The following SSX7 variants were observed in gnomAD, a reference collection of about 807,000 sequenced individuals.
SSX7 encodes protein SSX7.
A neutral mutation model predicts 14.7 loss-of-function variants in SSX7; 15 were observed. The observed-to-expected ratio is 1.02, with a 90% CI of 0.68 to 1.58. The LOEUF (loss-of-function observed/expected upper bound fraction) is 1.58. SSX7 is among the 40% of genes most tolerant of loss of function. The probability of loss-of-function intolerance (pLI) is 0.00; values close to 1 mark genes in which losing one functional copy is unlikely to be tolerated. For synonymous variants in SSX7, 46 were observed against 50.6 expected (o/e 0.91, Z 0.38); for missense variants, 178 against 146.8 (o/e 1.21, Z -1.10).
chrX:52,649,760 C>A (rs1448266460), intron 5 of SSX7, among the ~76,000 whole-genome samples: 1 of 112,424 alleles, frequency 8.9e-6, no homozygotes, highest in Admixed American at 9.4e-5. Flanking sequence ...AATGGAAGCA[C>A]CAGCAGGCCC....
Position 52,652,298 on chromosome X carries a change from G to A in SSX7, c.234C>T (p.Asp78=), listed in dbSNP as rs147448937. 8.3e-7 allele frequency: 1 copy of A among 1,206,856 alleles called. No individual in the cohort carries two copies. Among genetic ancestry groups the A allele is most frequent in the African/African-American group, 1.8e-5 (1 of 56,556 alleles). Residue 78 remains aspartate, a synonymous_variant, in exon 4 of 8, where the codon GAC becomes GAT. Coordinates refer to ENST00000298181, the MANE Select transcript of SSX7 (RefSeq NM_173358.2). ...PPFMHNTGAT[D]LQGNDFDNDR... is the part of the protein sequence containing the mutation. ...CATTATCAAAATCATTCCCCTGGAG[G>A]TCTGTGGCCCCTGTATTATGCATGA... is the stretch of plus-strand genomic sequence containing the variant.
chrX:52,653,184 C>G lies in SSX7; in HGVS notation c.70-200G>C, dbSNP rs782377456. ...TGCTGACTGACTCTCTTCCCACTTT[C>G]CAGAATGGACTGAGATTCACCAAAT... On this transcript the variant is annotated intron_variant, in intron 2 of 7. Transcript: ENST00000298181. The G allele has an allele frequency of 8.0e-6, 6 of 752,099 alleles. No individual in the cohort carries two copies. In the South Asian group the frequency reaches 2.1e-4, roughly 26 times the overall value. The allele number at this position is 752,099 out of a possible 1,213,427, so 62.0% of individuals were successfully genotyped here.
chrX:52,654,364 GTTTT>G (rs1352091546), intron 1 of SSX7, among the ~76,000 whole-genome samples: 4 of 60,944 alleles, frequency 6.6e-5, no homozygotes, highest in Admixed American at 2.7e-4. Context: ...ATTTGAGTGA[GTTTT>G]TTTTTTTTTT....
At chrX:52,649,393 T>C (rs782122377) in intron 5 of SSX7, among the ~76,000 whole-genome samples, 3 of 112,053 alleles carry the variant, frequency 2.7e-5, no homozygotes, top group Non-Finnish European at 5.6e-5. Context: ...TAAAATAGTC[T>C]ACGGGAAAGT....
At chrX:52,649,012 C>T (rs1167009607) in intron 5 of SSX7, among the ~76,000 whole-genome samples, 1 of 110,848 alleles carries the variant, frequency 9.0e-6, no homozygotes, top group Non-Finnish European at 1.9e-5. Context: ...TGTCACTGAC[C>T]AACAATCTTA....
intron 4 of SSX7, 83 bp from the exon 5 acceptor site, chrX:52,650,485 C>A (rs1302573578): frequency 4.8e-6 from 5 of 1,031,405 alleles, no homozygotes; most frequent in Non-Finnish European, 5.4e-6. Flanking sequence ...GGGTATTCTG[C>A]AGCAGAGTGT....
rs782261388 is a variant in SSX7 at position 52,652,917 on chromosome X, A to T, written c.137T>A (p.Ile46Asn). The T allele has an allele frequency of 2.5e-6, 3 of 1,202,452 alleles. No homozygotes were observed. The highest frequency in any genetic ancestry group is 3.4e-6 in the Non-Finnish European group (3 of 890,122). The change falls in exon 3 of 8, where the codon ATC becomes AAC. Residue 46 changes from isoleucine to asparagine, a missense_variant. Coordinates refer to ENST00000298181, the MANE Select transcript of SSX7 (RefSeq NM_173358.2). ...CTTTCTCTTCATATACACATAGCTG[A>T]TTTTCTCCAAGGATTTCATCTTTTC... ...EWEKMKSLEK[I>N]SYVYMKRKYE...
intron 7 of SSX7, 54 bp downstream of exon 7, chrX:52,645,385 T>C: frequency 8.3e-7 from 1 of 1,208,006 alleles, no homozygotes; most frequent in Non-Finnish European, 1.1e-6. Flanking sequence ...ACCAGTATCA[T>C]AACAGAATAC....
At chrX:52,644,840 A>C in intron 7 of SSX7, among the ~76,000 whole-genome samples, 170 bp from the exon 8 acceptor site, 1 of 111,461 alleles carries the variant, frequency 9.0e-6, no homozygotes, top group Admixed American at 9.5e-5. Flanking sequence ...CTCATGCCAC[A>C]GTGACTTCTT....
chrX:52,648,561 A>G (rs1394821201), intron 5 of SSX7, among the ~76,000 whole-genome samples, 165 bp from the exon 6 acceptor site: 2 of 112,080 alleles, frequency 1.8e-5, no homozygotes, highest in African/African-American at 6.5e-5. Context: ...TAGACGGGAA[A>G]GGAATGGCCT....
intron 5 of SSX7, among the ~76,000 whole-genome samples, chrX:52,649,592 G>C (rs1925364784): frequency 8.9e-6 from 1 of 111,821 alleles, no homozygotes; most frequent in Admixed American, 9.5e-5. Flanking sequence ...CCCTGGGCTG[G>C]GATGGGGGCT....
intron 2 of SSX7, 23 bp downstream of exon 2, chrX:52,653,381 C>G (rs374240086): frequency 8.3e-7 from 1 of 1,209,363 alleles, no homozygotes; most frequent in Admixed American, 2.2e-5. Context: ...GGCCACTACT[C>G]TGCTCCCTCC....
Position 52,653,423 on chromosome X carries a change from A to G in SSX7, c.50T>C (p.Ile17Thr). 1 of 1,211,107 alleles carries G rather than the reference A, an allele frequency of 8.3e-7. No individual in the cohort carries two copies. Among genetic ancestry groups the G allele is most frequent in the Non-Finnish European group, 1.1e-6 (1 of 895,241 alleles). Residue 17 changes from isoleucine to threonine, a missense_variant, in exon 2 of 8, where the codon ATA becomes ACA. Ile to Thr is a moderately conservative substitution (Grantham distance 89, BLOSUM62 -1). Coordinates refer to ENST00000298181, the MANE Select transcript of SSX7 (RefSeq NM_173358.2). ...FARRPRAGAQ[I>T]PEKIQKSFDD... ...CCTCACCTTTTGGATCTTCTCTGGT[A>G]TTTGAGCACCAGCCCTAGGTCTCCT...
At chrX:52,652,138 A>G (rs1217881096) in intron 4 of SSX7, 114 bp downstream of exon 4, 6 of 567,153 alleles carry the variant, frequency 1.1e-5, no homozygotes, top group Non-Finnish European at 1.7e-5. Context: ...TTTTTTTTTC[A>G]CTCAGCCCTG....
At chrX:52,650,251 G>A in intron 5 of SSX7, 102 bp downstream of exon 5, 2 of 1,014,221 alleles carry the variant, frequency 2.0e-6, no homozygotes, top group Non-Finnish European at 2.8e-6. Flanking sequence ...ATGGGGAGAA[G>A]GAGGCAGTGA....
At chrX:52,645,684 A>G (rs1337667925) in intron 6 of SSX7, 141 bp from the exon 7 acceptor site, 1 of 533,461 alleles carries the variant, frequency 1.9e-6, no homozygotes, top group Non-Finnish European at 3.0e-6. Flanking sequence ...TCTCTGGCTT[A>G]GAGAGGCTGA....
At chrX:52,652,829 A>T (rs1556767190) in intron 3 of SSX7, 41 bp downstream of exon 3, 2 of 1,085,390 alleles carry the variant, frequency 1.8e-6, no homozygotes, top group East Asian at 3.2e-5. Context: ...AGGGATGCTC[A>T]TGTGTCCCCA....
intron 6 of SSX7, among the ~76,000 whole-genome samples, chrX:52,645,855 A>T (rs1468870135): frequency 9.1e-6 from 1 of 110,178 alleles, no homozygotes; most frequent in Non-Finnish European, 1.9e-5. Context: ...ACCGAGGCAT[A>T]CTTTTTTTTA....
At chrX:52,648,747 A>C (rs782650874) in intron 5 of SSX7, among the ~76,000 whole-genome samples, 104 of 112,142 alleles carry the variant, frequency 9.3e-4, no homozygotes, top group African/African-American at 3.3e-3. Flanking sequence ...TATGAAATAC[A>C]AGGGATCTCA....
Sources: gnomAD v4.1 joint callset for allele counts (sites outside exome capture counted in the v4.1 genomes callset) on GRCh38, gnomAD v4.1.1 for gene constraint, MANE v1.5 for transcripts, NCBI Gene and HGNC (gene_info 2026-07-23, HGNC 2026-07-21) for gene names.